The following SEMA6D variants were observed in gnomAD, a reference collection of about 807,000 sequenced individuals.
SEMA6D encodes semaphorin-6D.
SEMA6D carries 35 observed loss-of-function variants against 106.6 expected under a neutral mutation model. The observed-to-expected ratio is 0.33, with a 90% CI of 0.25 to 0.44. SEMA6D has a LOEUF of 0.44. Ranked by LOEUF, SEMA6D falls within the 20% of genes least tolerant of loss-of-function variation. The pLI, the probability that SEMA6D is intolerant of heterozygous loss-of-function variation, is 1.00. For synonymous variants in SEMA6D, 499 were observed against 487.7 expected (o/e 1.02, Z -0.31); for missense variants, 1,185 against 1,345.9 (o/e 0.88, Z 1.87).
intron 3 of SEMA6D, among the ~76,000 whole-genome samples, chr15:47,530,318 A>G (rs1167878548): frequency 6.6e-6 from 1 of 152,182 alleles, no homozygotes; most frequent in East Asian, 1.9e-4. Flanking sequence ...AGAACATCTA[A>G]CTTGTGAGTA....
chr15:47,753,141 T>C (rs762359676), intron 1 of SEMA6D, among the ~76,000 whole-genome samples: 47 of 152,262 alleles, frequency 3.1e-4, no homozygotes, highest in Non-Finnish European at 1.3e-4. Context: ...GGAATGTAAG[T>C]AGCAGAGTGT....
intron 1 of SEMA6D, among the ~76,000 whole-genome samples, chr15:47,306,858 C>G (rs748202897): frequency 6.6e-6 from 1 of 152,188 alleles, no homozygotes; most frequent in Non-Finnish European, 1.5e-5. Context: ...AGAAGATATG[C>G]AACTCTTCAA....
intron 1 of SEMA6D, among the ~76,000 whole-genome samples, chr15:47,267,807 T>C (rs575222979): frequency 1.3e-5 from 2 of 152,322 alleles, no homozygotes; most frequent in Admixed American, 6.5e-5. Context: ...TTTTCCAGAT[T>C]CTGCTGTTCT....
At chr15:47,231,006 T>C (rs1418353774) in intron 1 of SEMA6D, among the ~76,000 whole-genome samples, 2 of 152,036 alleles carry the variant, frequency 1.3e-5, no homozygotes, top group African/African-American at 4.8e-5. Context: ...CCTTTGTCTT[T>C]GTCCTCACAA....
intron 1 of SEMA6D, among the ~76,000 whole-genome samples, chr15:47,372,210 G>T (rs2039298378): frequency 6.6e-6 from 1 of 152,164 alleles, no homozygotes. Context: ...TCTGTTTATA[G>T]TTCTTCTTAG....
At chr15:47,594,540 G>T (rs980125166) in intron 3 of SEMA6D, among the ~76,000 whole-genome samples, 1 of 152,124 alleles carries the variant, frequency 6.6e-6, no homozygotes, top group Non-Finnish European at 1.5e-5. Context: ...AGCCATTATT[G>T]GGTACCCATC....
In SEMA6D at chr15:47,291,676, A is replaced by G. The variant is rs1184851041; in HGVS notation, c.-239+107258A>G. On this transcript the variant is annotated intron_variant, in intron 1 of 19. Transcript: ENST00000558014. The stretch of plus-strand genomic sequence containing the variant: ...ACATATGCCACTGTGTTGTCCCACT[A>G]TTATCTATAATGCTTTGATTTTTCT... 2.0e-5 allele frequency among the ~76,000 whole-genome samples: 3 copies of G among 152,132 alleles called. No individual in the cohort carries two copies. In the East Asian group the frequency reaches 5.8e-4, roughly 29 times the overall value.
At chr15:47,707,593 A>G (rs1473330814) in intron 4 of SEMA6D, among the ~76,000 whole-genome samples, 1 of 152,200 alleles carries the variant, frequency 6.6e-6, no homozygotes, top group Non-Finnish European at 1.5e-5. Flanking sequence ...AATGTGAAGG[A>G]TGAAGGGTTT....
intron 2 of SEMA6D, among the ~76,000 whole-genome samples, chr15:47,434,249 A>G (rs748358775): frequency 9.2e-5 from 14 of 152,128 alleles, no homozygotes; most frequent in Non-Finnish European, 1.9e-4. Flanking sequence ...AAGCCTGGTG[A>G]TAAATACTGA....
intron 3 of SEMA6D, among the ~76,000 whole-genome samples, chr15:47,519,557 G>A (rs1056898525): frequency 6.6e-6 from 1 of 152,152 alleles, no homozygotes; most frequent in Non-Finnish European, 1.5e-5. Flanking sequence ...TTGAAAATAT[G>A]AGACTAGACA....
intron 1 of SEMA6D, chr15:47,730,100 A>T: frequency 1.2e-6 from 1 of 808,380 alleles, no homozygotes; most frequent in Non-Finnish European, 2.0e-6. Flanking sequence ...AATTTATATT[A>T]TTTTAATTAT....
chr15:47,462,102 C>A (rs184889284), intron 2 of SEMA6D, among the ~76,000 whole-genome samples: 1 of 152,134 alleles, frequency 6.6e-6, no homozygotes, highest in East Asian at 1.9e-4. Flanking sequence ...TTTTTCCAGA[C>A]CACGCCAGTG....
intron 1 of SEMA6D, among the ~76,000 whole-genome samples, chr15:47,742,359 G>A (rs1033729901): frequency 1.2e-4 from 19 of 152,140 alleles, no homozygotes; most frequent in African/African-American, 4.3e-4. Flanking sequence ...CAGAAGAGGT[G>A]AGGTAAGGAG....
chr15:47,224,431 T>A (rs1229890852), intron 1 of SEMA6D, among the ~76,000 whole-genome samples: 1 of 152,072 alleles, frequency 6.6e-6, no homozygotes, highest in East Asian at 1.9e-4. Context: ...ACTTTTCATA[T>A]AATAGCTAAC....
At chr15:47,486,913 C>T (rs1342145894) in intron 3 of SEMA6D, among the ~76,000 whole-genome samples, 2 of 152,154 alleles carry the variant, frequency 1.3e-5, no homozygotes, top group Non-Finnish European at 2.9e-5. Flanking sequence ...GGCATATGTA[C>T]TGTTTAACTT....
At chr15:47,553,160 T>C (rs977959588) in intron 3 of SEMA6D, among the ~76,000 whole-genome samples, 2 of 151,388 alleles carry the variant, frequency 1.3e-5, no homozygotes, top group African/African-American at 4.9e-5. Context: ...CATCTTGACC[T>C]CCAAAAGTGC....
In SEMA6D at chr15:47,371,658, G is replaced by A. The variant is rs182167458; in HGVS notation, c.-238-40735G>A. On this transcript the variant is annotated intron_variant, in intron 1 of 19. Coordinates refer to the SEMA6D transcript ENST00000558014. ...GGTACTGAGCAACTTGTTGACCCTCGCGTGCCATGTTTCCGAGATGAGAAT... is the reference window on the plus strand; with the variant it reads ...GGTACTGAGCAACTTGTTGACCCTCACGTGCCATGTTTCCGAGATGAGAAT... Among the ~76,000 whole-genome samples the A allele has an allele frequency of 3.4e-3, 513 of 151,962 alleles. 4 individuals are homozygous for A. The highest frequency in any genetic ancestry group is 4.1e-3 in the Non-Finnish European group (281 of 67,980).
At chr15:47,201,760 G>A (rs1470987503) in intron 1 of SEMA6D, among the ~76,000 whole-genome samples, 1 of 152,126 alleles carries the variant, frequency 6.6e-6, no homozygotes, top group Admixed American at 6.6e-5. Flanking sequence ...TCCCACCTCA[G>A]GAAGGAATGC....
At chr15:47,201,071 T>C (rs999032841) in intron 1 of SEMA6D, among the ~76,000 whole-genome samples, 6 of 152,208 alleles carry the variant, frequency 3.9e-5, no homozygotes, top group African/African-American at 1.4e-4. Flanking sequence ...CCTTGTCTTA[T>C]TCATCGATTT....
Sources: gnomAD v4.1 joint callset for allele counts (sites outside exome capture counted in the v4.1 genomes callset) on GRCh38, gnomAD v4.1.1 for gene constraint, MANE v1.5 for transcripts, NCBI Gene and HGNC (gene_info 2026-07-23, HGNC 2026-07-21) for gene names.